PDGFD: variants seen among roughly 807,000 people sequenced by gnomAD.
PDGFD encodes the protein platelet-derived growth factor D.
Under a neutral mutation model 44.7 loss-of-function variants are expected in PDGFD, and 30 were observed. The observed-to-expected ratio is 0.67, with a 90% CI of 0.50 to 0.91. The LOEUF is 0.91. Ranked by LOEUF, PDGFD falls within the 40% of genes least tolerant of loss-of-function variation. The pLI, the probability that PDGFD is intolerant of heterozygous loss-of-function variation, is 0.00. For synonymous variants in PDGFD, 173 were observed against 168.4 expected, an observed-to-expected ratio of 1.03 and a Z score of -0.21; for missense variants, 445 against 457.8, an observed-to-expected ratio of 0.97 and a Z score of 0.25.
intron 4 of PDGFD, among the ~76,000 whole-genome samples, chr11:103,945,274 G>A (rs116499806): frequency 2.0e-5 from 3 of 152,050 alleles, no homozygotes; most frequent in South Asian, 2.1e-4. Context: ...TTTAATCTAC[G>A]TGACTGTGTG....
chr11:104,077,815 T>G (rs1163095950), intron 1 of PDGFD, among the ~76,000 whole-genome samples: 1 of 152,180 alleles, frequency 6.6e-6, no homozygotes, highest in Admixed American at 6.5e-5. Flanking sequence ...TAGGTAAATA[T>G]TCAATTAATT....
intron 1 of PDGFD, among the ~76,000 whole-genome samples, chr11:104,112,792 G>A (rs991195807): frequency 6.6e-6 from 1 of 151,966 alleles, no homozygotes; most frequent in African/African-American, 2.4e-5. Context: ...AATAACACAT[G>A]GTCTTATTTA....
intron 5 of PDGFD, among the ~76,000 whole-genome samples, chr11:103,929,705 C>T (rs1289108532): frequency 6.6e-6 from 1 of 152,202 alleles, no homozygotes; most frequent in Admixed American, 6.5e-5. Context: ...AGAATTAGAA[C>T]TGAAAGGTTG....
At chr11:103,972,686 TCTGAG>T (rs1859121323) in intron 3 of PDGFD, among the ~76,000 whole-genome samples, 2 of 152,318 alleles carry the variant, frequency 1.3e-5, no homozygotes, top group Admixed American at 1.3e-4. Flanking sequence ...CACTTACTTC[TCTGAG>T]CTAATGATGG....
chr11:103,947,555 G>C, intron 4 of PDGFD, 107 bp downstream of exon 4: 1 of 801,700 alleles, frequency 1.2e-6, no homozygotes, highest in Non-Finnish European at 2.2e-6. Context: ...TTGAGATCTA[G>C]CTTTTGATCA....
At chr11:103,970,939 C>G (rs934704387) in intron 3 of PDGFD, among the ~76,000 whole-genome samples, 3 of 152,104 alleles carry the variant, frequency 2.0e-5, no homozygotes, top group African/African-American at 4.8e-5. Context: ...TTATTTCACA[C>G]AAGAGTGGAC....
At chr11:103,910,948 A>C (rs4304743) in intron 6 of PDGFD, among the ~76,000 whole-genome samples, 109 of 151,750 alleles carry the variant, frequency 7.2e-4, no homozygotes, top group Non-Finnish European at 1.3e-3. Context: ...TTACCCTCAA[A>C]GTGTAAACAA....
At chr11:104,009,453 T>C (rs945770176) in intron 1 of PDGFD, among the ~76,000 whole-genome samples, 3 of 151,382 alleles carry the variant, frequency 2.0e-5, no homozygotes, top group Admixed American at 6.6e-5. Context: ...TTATTATTAT[T>C]ATCATTACTA....
chr11:104,015,259 T>A (rs1859843736), intron 1 of PDGFD, among the ~76,000 whole-genome samples: 1 of 152,242 alleles, frequency 6.6e-6, no homozygotes, highest in Admixed American at 6.5e-5. Context: ...TCTGTGAGAT[T>A]GCTACAAATG....
At chr11:103,947,080 G>A (rs539212588) in intron 4 of PDGFD, among the ~76,000 whole-genome samples, 1 of 152,328 alleles carries the variant, frequency 6.6e-6, no homozygotes, top group South Asian at 2.1e-4. Flanking sequence ...TTCTTTCTGT[G>A]CAAAGTAGAT....
At chr11:103,910,859 T>C (rs1239576918) in intron 6 of PDGFD, among the ~76,000 whole-genome samples, 1 of 152,132 alleles carries the variant, frequency 6.6e-6, no homozygotes, top group Non-Finnish European at 1.5e-5. Context: ...CACAGCAGTC[T>C]GAGATTGACC....
chr11:104,128,438 C>T (rs1591178668), intron 1 of PDGFD, among the ~76,000 whole-genome samples: 1 of 152,084 alleles, frequency 6.6e-6, no homozygotes, highest in Admixed American at 6.6e-5. Flanking sequence ...AAACAAAACA[C>T]CGATTTTGCT....
chr11:104,072,551 T>C (rs1412988103), intron 1 of PDGFD, among the ~76,000 whole-genome samples: 1 of 151,906 alleles, frequency 6.6e-6, no homozygotes, highest in Non-Finnish European at 1.5e-5. Flanking sequence ...CAAGTTCTTA[T>C]GCTTCCAAAT....
At chr11:103,955,855 G>A (rs1397804964) in intron 3 of PDGFD, among the ~76,000 whole-genome samples, 1 of 152,040 alleles carries the variant, frequency 6.6e-6, no homozygotes, top group Non-Finnish European at 1.5e-5. Flanking sequence ...TGATTTAAGA[G>A]TTAATTTTAT....
intron 1 of PDGFD, among the ~76,000 whole-genome samples, chr11:104,118,032 C>T (rs1046247652): frequency 6.6e-6 from 1 of 151,888 alleles, no homozygotes; most frequent in Non-Finnish European, 1.5e-5. Flanking sequence ...ATCCTACAAC[C>T]TTACTATAAC....
intron 4 of PDGFD, chr11:103,945,523 C>A (rs1247864552): frequency 1.3e-5 from 2 of 152,114 alleles, no homozygotes; most frequent in African/African-American, 4.8e-5. Context: ...GTTCTAAGAA[C>A]CACAAAACTC....
chr11:104,012,887 A>C (rs1336503834), intron 1 of PDGFD, among the ~76,000 whole-genome samples: 55 of 152,220 alleles, frequency 3.6e-4, no homozygotes, highest in Non-Finnish European at 8.8e-5. Context: ...GACAAGAGGC[A>C]GGGAAATACT....
At chr11:104,008,799 T>C (rs966274130) in intron 1 of PDGFD, among the ~76,000 whole-genome samples, 4 of 152,100 alleles carry the variant, frequency 2.6e-5, no homozygotes, top group African/African-American at 9.7e-5. Flanking sequence ...CCCCAGTATA[T>C]TGCCAGTCTG....
chr11:104,036,877 C>T (rs1321854554), intron 1 of PDGFD: 2 of 1,614,060 alleles, frequency 1.2e-6, no homozygotes. Context: ...CACCTTCTCT[C>T]TCCAGGTCAG....
Sources: allele counts gnomAD v4.1 joint callset (sites outside exome capture counted in the v4.1 genomes callset), GRCh38; gene constraint gnomAD v4.1.1; transcripts MANE v1.5; gene names NCBI Gene and HGNC (gene_info 2026-07-23, HGNC 2026-07-21).